SLC45A4: variants seen among roughly 807,000 people sequenced by gnomAD.
The protein encoded by SLC45A4 is solute carrier family 45 member 4, also known as polyamine-transporter SLC45A4.
SLC45A4 carries 32 observed loss-of-function variants against 63.7 expected under a neutral mutation model. The ratio of observed to expected loss-of-function variants is 0.50; its 90% confidence interval spans 0.38 to 0.67. SLC45A4 has a LOEUF of 0.67. Ranked by LOEUF, SLC45A4 falls within the 30% of genes least tolerant of loss-of-function variation. The pLI is 0.00. For synonymous variants in SLC45A4, 535 were observed against 510.0 expected (o/e 1.05, Z -0.66); for missense variants, 1,027 against 1,157.7 (o/e 0.89, Z 1.64).
intron 2 of SLC45A4, among the ~76,000 whole-genome samples, chr8:141,248,945 G>A (rs1828342262): frequency 1.3e-5 from 2 of 151,640 alleles, no homozygotes; most frequent in African/African-American, 4.9e-5. Flanking sequence ...TGAGCCCAGG[G>A]AGGTCATGGC....
intron 1 of SLC45A4, among the ~76,000 whole-genome samples, chr8:141,294,925 G>T (rs1314441482): frequency 6.6e-6 from 1 of 152,222 alleles, no homozygotes; most frequent in African/African-American, 2.4e-5. Flanking sequence ...TCAGCTCGAA[G>T]GTGAGGAAAG....
chr8:141,230,899 C>T (rs1223913502), intron 2 of SLC45A4, among the ~76,000 whole-genome samples: 1 of 152,208 alleles, frequency 6.6e-6, no homozygotes, highest in East Asian at 1.9e-4. Context: ...CCAGGCCTGC[C>T]CCACCCGGGG....
chr8:141,216,580 C>G (rs1307790725), intron 6 of SLC45A4, among the ~76,000 whole-genome samples: 1 of 152,186 alleles, frequency 6.6e-6, no homozygotes, highest in Admixed American at 6.5e-5. Flanking sequence ...ATGAAGCTGG[C>G]CTTCCCCATG....
At chr8:141,269,786 T>C (rs943236630) in intron 1 of SLC45A4, among the ~76,000 whole-genome samples, 2 of 152,180 alleles carry the variant, frequency 1.3e-5, no homozygotes, top group African/African-American at 4.8e-5. Flanking sequence ...TGTCTGTACA[T>C]CTGTGCATGT....
At chr8:141,247,600 C>T (rs771663891) in intron 2 of SLC45A4, among the ~76,000 whole-genome samples, 22 of 152,060 alleles carry the variant, frequency 1.4e-4, no homozygotes, top group East Asian at 9.6e-4. Context: ...TTTTTAGAAA[C>T]GAGGTCTTGC....
intron 1 of SLC45A4, among the ~76,000 whole-genome samples, chr8:141,269,692 T>C (rs1038188469): frequency 2.0e-5 from 3 of 151,334 alleles, no homozygotes; most frequent in Admixed American, 2.0e-4. Flanking sequence ...TGTGTATGTG[T>C]GTCTGTGTCT....
Position 141,242,923 on chromosome 8 carries a change from C to T in SLC45A4, c.241+11066G>A, listed in dbSNP as rs143473547. ...CTATAGAATCTCTCACAAGAGGCGA[C>T]GGGATTTTCAAACCTAAGCCAGCCC... On this transcript the variant is annotated intron_variant, in intron 2 of 8. Transcript: ENST00000517878. Among the ~76,000 whole-genome samples the T allele has an allele frequency of 1.1e-4, 17 of 152,348 alleles. No individual in the cohort carries two copies. The East Asian group carries it at 2.7e-3, about 24-fold the overall frequency.
rs1418930994 is a variant in SLC45A4, at chr8:141,218,421, C to T, written c.1219G>A (p.Ala407Thr). The T allele has an allele frequency of 6.2e-7, 1 of 1,611,372 alleles. No individual in the cohort carries two copies. Among genetic ancestry groups the T allele is most frequent in the Non-Finnish European group, 8.5e-7 (1 of 1,179,914 alleles). ...GYTRVDTKPS[A>T]TSSSMRRRRH... The stretch of plus-strand genomic sequence containing the variant: ...CGCCGCCGCATGGAGCTCGACGTGG[C>T]CGAGGGCTTCGTGTCCACCCTGGTG... The change falls in exon 5 of 9, where the codon GCC (alanine) becomes ACC (threonine). Residue 407 changes from alanine to threonine, a missense_variant. By Grantham distance (58) the Ala-to-Thr change is moderately conservative (BLOSUM62 0). Transcript: ENST00000517878.
chr8:141,223,468 T>C (rs1826783069), intron 2 of SLC45A4, among the ~76,000 whole-genome samples: 2 of 152,178 alleles, frequency 1.3e-5, no homozygotes, highest in South Asian at 4.1e-4. Flanking sequence ...TCAGAAAGAA[T>C]GGGAAGCGGT....
At chr8:141,244,907 C>CT (rs1466039039) in intron 2 of SLC45A4, among the ~76,000 whole-genome samples, 1 of 130,666 alleles carries the variant, frequency 7.7e-6, no homozygotes, top group Non-Finnish European at 1.5e-5. Flanking sequence ...CAGAAAACCT[C>CT]TGAGTTTGGA....
At chr8:141,234,942 G>T (rs550540224) in intron 2 of SLC45A4, among the ~76,000 whole-genome samples, 1 of 152,326 alleles carries the variant, frequency 6.6e-6, no homozygotes, top group South Asian at 2.1e-4. Flanking sequence ...CTGTTTAAAT[G>T]TGTGTCCCCG....
rs957906573 is a variant in SLC45A4, at chr8:141,211,222, G to C, written c.*350C>G. 4.6e-6 allele frequency: 2 copies of C among 435,744 alleles called. No individual in the cohort carries two copies. Among genetic ancestry groups the C allele is most frequent in the Admixed American group, 4.3e-5 (1 of 23,094 alleles). The allele number at this position is 435,744 out of a possible 1,614,324, so 27.0% of individuals were successfully genotyped here. A position where few individuals can be genotyped will look rare whatever the true frequency, so the allele number is the denominator to read the frequency against. On this transcript the variant is annotated 3_prime_UTR_variant, in exon 9 of 9. Transcript: ENST00000517878. ...AAATGGTTTAGAGACGAATCAAAGTGCAGTGAAAGTCAACGTTTCCTTCCC... is the reference window on the plus strand; with the variant it reads ...AAATGGTTTAGAGACGAATCAAAGTCCAGTGAAAGTCAACGTTTCCTTCCC...
At position 141,218,411 on chromosome 8, in the gene SLC45A4, C is replaced by T. The variant is rs779996642; in HGVS notation, c.1229G>A (p.Ser410Asn). The T allele has an allele frequency of 6.2e-7, 1 of 1,610,528 alleles. No homozygotes were observed. The highest frequency in any genetic ancestry group is 8.5e-7 in the Non-Finnish European group (1 of 1,179,912). The change falls in exon 5 of 9, where the codon AGC becomes AAC. Residue 410 changes from serine (S) to asparagine (N), a missense_variant. By Grantham distance (46) the Ser-to-Asn change is conservative. Transcript: ENST00000517878. ...RVDTKPSATS[S>N]SMRRRRHAFR... The stretch of plus-strand genomic sequence containing the variant: ...CGCGTGCCGCCGCCGCCGCATGGAG[C>T]TCGACGTGGCCGAGGGCTTCGTGTC...
In SLC45A4 at chr8:141,256,592, AC is replaced by A. The variant is rs1353414200; in HGVS notation, c.-400-1964del. 4.4e-6 allele frequency: 2 copies of A among 455,962 alleles called. No homozygotes were observed. Among genetic ancestry groups the A allele is most frequent in the Non-Finnish European group, 8.8e-6 (2 of 226,906 alleles). The allele number at this position is 455,962 out of a possible 1,614,324, so 28.2% of individuals were successfully genotyped here. A position where few individuals can be genotyped will look rare whatever the true frequency, so the allele number is the denominator to read the frequency against. ...GAAGGAAGCCGTGCGCCTGGCTCTT[AC>A]GTCCCAGCTCTTCCCTACATCTTCT... On this transcript the variant is annotated intron_variant, in intron 1 of 8. Coordinates refer to ENST00000517878, the MANE Select transcript of SLC45A4 (RefSeq NM_001286646.2). The surrounding 1 kb of genome is among the most constrained non-coding windows in gnomAD (Gnocchi z 4.3).
intron 1 of SLC45A4, among the ~76,000 whole-genome samples, chr8:141,264,186 T>C (rs902966283): frequency 6.6e-6 from 1 of 152,192 alleles, no homozygotes; most frequent in Non-Finnish European, 1.5e-5. Context: ...TGGAAAACTA[T>C]GTGGGTCCGT....
At chr8:141,248,555 G>A (rs1828323439) in intron 2 of SLC45A4, among the ~76,000 whole-genome samples, 1 of 151,928 alleles carries the variant, frequency 6.6e-6, no homozygotes, top group Non-Finnish European at 1.5e-5. Context: ...GGGAAACAGA[G>A]TCCCTGTTTA....
At chr8:141,214,444 G>A (rs1826016990) in intron 7 of SLC45A4, among the ~76,000 whole-genome samples, 1 of 152,104 alleles carries the variant, frequency 6.6e-6, no homozygotes, top group African/African-American at 2.4e-5. Flanking sequence ...AATAATAGAA[G>A]GGCATGTCAC....
At chr8:141,245,306 C>T (rs186424841) in intron 2 of SLC45A4, among the ~76,000 whole-genome samples, 1 of 152,142 alleles carries the variant, frequency 6.6e-6, no homozygotes, top group Non-Finnish European at 1.5e-5. Context: ...CTGGCTGCTG[C>T]TACCTCCACC....
chr8:141,303,067 C>T (rs990717401), intron 1 of SLC45A4, among the ~76,000 whole-genome samples: 2 of 150,828 alleles, frequency 1.3e-5, no homozygotes, highest in Non-Finnish European at 3.0e-5. Flanking sequence ...GTGTGATCTC[C>T]CCTCACTGCA....
Sources: allele counts gnomAD v4.1 joint callset (sites outside exome capture counted in the v4.1 genomes callset), GRCh38; gene constraint gnomAD v4.1.1; non-coding constraint Gnocchi (gnomAD v3.1); transcripts MANE v1.5; gene names NCBI Gene and HGNC (gene_info 2026-07-23, HGNC 2026-07-21).